Variants in USP50 observed in about 807,000 individuals in gnomAD.
USP50 encodes ubiquitin carboxyl-terminal hydrolase 50.
USP50 carries 37 observed loss-of-function variants against 39.2 expected under a neutral mutation model. The observed-to-expected ratio is 0.94, with a 90% confidence interval of 0.73 to 1.24. USP50 has a LOEUF of 1.24. Ranked by LOEUF, USP50 falls within the 50% of genes most tolerant of loss-of-function variation. The probability of loss-of-function intolerance (pLI) is 0.00; values close to 1 mark genes in which losing one functional copy is unlikely to be tolerated. For synonymous variants in USP50, 139 were observed against 144.5 expected (o/e 0.96, Z 0.27); for missense variants, 374 against 398.2 (o/e 0.94, Z 0.52).
chr15:50,529,749 GA>G, intron 6 of USP50, 47 bp downstream of exon 6: 1 of 1,585,842 alleles, frequency 6.3e-7, no homozygotes, highest in Non-Finnish European at 8.6e-7. Flanking sequence ...GATAATTCTG[GA>G]GTTTTCTTTA....
At chr15:50,532,308 A>G (rs1215941074) in intron 5 of USP50, 3 of 441,424 alleles carry the variant, frequency 6.8e-6, no homozygotes, top group African/African-American at 4.0e-5. Flanking sequence ...GGAGAAACTC[A>G]TTAACCAGAG....
chr15:50,520,119 A>G (rs2052836963), intron 6 of USP50, among the ~76,000 whole-genome samples: 1 of 152,038 alleles, frequency 6.6e-6, no homozygotes, highest in South Asian at 2.1e-4. Flanking sequence ...CAGCTAGGGC[A>G]ACATAGTGAG....
chr15:50,503,975 C>CA (rs1430533787), intron 6 of USP50: 1 of 151,984 alleles, frequency 6.6e-6, no homozygotes, highest in Non-Finnish European at 1.5e-5. Flanking sequence ...AAGAAGGAAA[C>CA]AAACTTTAGA....
At chr15:50,494,207 C>T (rs761442503) in intron 1 of USP50, 2 of 1,613,766 alleles carry the variant, frequency 1.2e-6, no homozygotes, top group Non-Finnish European at 8.5e-7. Context: ...GACCAGTTTG[C>T]AGGATACAGT....
downstream of USP50, chr15:50,495,931 C>T (rs2052383737): frequency 6.2e-7 from 1 of 1,613,678 alleles, no homozygotes; most frequent in Non-Finnish European, 8.5e-7. Context: ...GGCAGAAACA[C>T]AAGCAGCTCA....
intron 6 of USP50, chr15:50,503,920 T>C (rs1361831817): frequency 2.0e-5 from 3 of 152,112 alleles, no homozygotes; most frequent in Non-Finnish European, 4.4e-5. Flanking sequence ...GATAATAGAA[T>C]TATTAAGCAG....
At chr15:50,512,793 A>G (rs1016343929) in intron 6 of USP50, 3 of 151,994 alleles carry the variant, frequency 2.0e-5, no homozygotes, top group African/African-American at 7.2e-5. Flanking sequence ...CTCTGTCTCA[A>G]AAACAAACAA....
downstream of USP50, chr15:50,497,799 C>CT (rs1175666425): frequency 6.6e-6 from 1 of 152,092 alleles, no homozygotes; most frequent in East Asian, 1.9e-4. Context: ...AACTCAAGAA[C>CT]TTTGAGTTGA....
chr15:50,512,734 G>A (rs371641840), intron 6 of USP50: 2 of 152,020 alleles, frequency 1.3e-5, no homozygotes, highest in African/African-American at 4.8e-5. Context: ...GGAGGTTGCA[G>A]TGAGCCGAGA....
rs1379903955 is a variant in USP50 at position 50,544,722 on chromosome 15, G to A, written c.113C>T (p.Pro38Leu). 8 of 1,613,918 alleles carry A rather than the reference G, an allele frequency of 5.0e-6. No individual in the cohort carries two copies. Among genetic ancestry groups the A allele is most frequent in the Admixed American group, 1.7e-5 (1 of 60,014 alleles). ...CAAGCCAGTGACACCCTGAAAATGGGGCTGGTTCCCATCAGCCTCCTTAAC... is the reference window on the plus strand; with the variant it reads ...CAAGCCAGTGACACCCTGAAAATGGAGCTGGTTCCCATCAGCCTCCTTAAC... ...LPVKEADGNQ[P>L]HFQGVTGLWN... is the part of the protein sequence containing the mutation. Residue 38 changes from proline (P) to leucine (L), a missense_variant, in exon 2 of 7, where the codon CCC (proline) becomes CTC (leucine). Physicochemically the swap from Pro to Leu is moderately conservative, Grantham distance 98 (BLOSUM62 -3). Transcript: ENST00000532404.
At chr15:50,544,896 C>T in intron 1 of USP50, 115 bp from the exon 2 acceptor site, 1 of 987,802 alleles carries the variant, frequency 1.0e-6, no homozygotes, top group Non-Finnish European at 1.4e-6. Context: ...AGACTTCCTC[C>T]AAACACATTC....
chr15:50,506,021 T>C (rs1228254510), intron 6 of USP50: 2 of 152,236 alleles, frequency 1.3e-5, no homozygotes, highest in African/African-American at 2.4e-5. Context: ...CTAAGAGCTT[T>C]CCATTTCTTT....
At chr15:50,501,037 C>A in intron 6 of USP50, 200 bp from the exon 7 acceptor site, 1 of 521,474 alleles carries the variant, frequency 1.9e-6, no homozygotes, top group Admixed American at 3.1e-5. Flanking sequence ...ATATGTTGTG[C>A]CCATTGACTA....
At chr15:50,518,143 A>T (rs140479072) in intron 6 of USP50, among the ~76,000 whole-genome samples, 1 of 152,200 alleles carries the variant, frequency 6.6e-6, no homozygotes, top group Non-Finnish European at 1.5e-5. Context: ...AAACAGACAC[A>T]TAGGCCAATG....
chr15:50,528,492 T>C (rs1297593391), intron 6 of USP50, among the ~76,000 whole-genome samples: 1 of 152,154 alleles, frequency 6.6e-6, no homozygotes, highest in Non-Finnish European at 1.5e-5. Context: ...GTCATTTGGA[T>C]TTTCTTAAAG....
At chr15:50,525,760 T>C (rs947622797) in intron 6 of USP50, among the ~76,000 whole-genome samples, 8 of 145,808 alleles carry the variant, frequency 5.5e-5, no homozygotes, top group Non-Finnish European at 1.0e-4. Flanking sequence ...AAACATCACA[T>C]TGCACCCCAT....
At chr15:50,517,457 A>G (rs2052812629) in intron 6 of USP50, among the ~76,000 whole-genome samples, 1 of 145,406 alleles carries the variant, frequency 6.9e-6, no homozygotes, top group Non-Finnish European at 1.5e-5. Flanking sequence ...AGGCAACAAG[A>G]GCAAAACTCC....
chr15:50,497,109 C>T, downstream of USP50: 1 of 1,601,448 alleles, frequency 6.2e-7, no homozygotes, highest in Admixed American at 1.7e-5. Context: ...GATTATTTTC[C>T]AAAGAAGAAA....
At chr15:50,538,600 C>T in intron 5 of USP50, 109 bp downstream of exon 5, 24 of 1,167,830 alleles carry the variant, frequency 2.1e-5, no homozygotes, top group South Asian at 8.7e-5. Context: ...TGTAATATAC[C>T]AAATATCATT....
Sources: gnomAD v4.1 joint callset for allele counts (sites outside exome capture counted in the v4.1 genomes callset) on GRCh38, gnomAD v4.1.1 for gene constraint, MANE v1.5 for transcripts, NCBI Gene and HGNC (gene_info 2026-07-23, HGNC 2026-07-21) for gene names.